LRRN2: variants seen among roughly 807,000 people sequenced by gnomAD.
LRRN2 encodes the protein leucine-rich repeat neuronal protein 2.
In LRRN2, 10 loss-of-function variants were observed where a neutral mutation model predicts 35.7. The ratio of observed to expected loss-of-function variants is 0.28; its 90% CI spans 0.17 to 0.47. The LOEUF (loss-of-function observed/expected upper bound fraction) is 0.47. LRRN2 is among the 20% of genes least tolerant of loss of function. LRRN2 has a pLI of 0.99. For synonymous variants in LRRN2, 391 were observed against 409.6 expected (o/e 0.95, Z 0.55); for missense variants, 731 against 940.3 (o/e 0.78, Z 2.91).
chr1:204,684,221 C>G (rs758033665), intron 1 of LRRN2, among the ~76,000 whole-genome samples: 5 of 152,138 alleles, frequency 3.3e-5, no homozygotes, highest in Non-Finnish European at 5.9e-5. Context: ...CCTCACCACC[C>G]TAGGTCCTGG....
chr1:204,663,190 C>T (rs1047227621), intron 1 of LRRN2, among the ~76,000 whole-genome samples: 2 of 152,132 alleles, frequency 1.3e-5, no homozygotes, highest in African/African-American at 4.8e-5. Context: ...GGGCAGTGGC[C>T]CCTGGGAGTC....
chr1:204,619,042 G>A lies in LRRN2; in HGVS notation c.951C>T (p.Ile317=), dbSNP rs1370879196. 1 of 1,607,630 alleles carries A rather than the reference G, an allele frequency of 6.2e-7. No homozygotes were observed. Among genetic ancestry groups the A allele is most frequent in the South Asian group, 1.1e-5 (1 of 90,300 alleles). The change falls in exon 2 of 2, where the codon ATC becomes ATT. Residue 317 remains isoleucine, a synonymous_variant. Transcript: ENST00000367177. ...TGAAGGACAGCCGTGGGTTATTGGT[G>A]ATGTCCAGCTTGGTCAGCTCGGGGA... The part of the protein sequence containing the change: ...VNLPELTKLD[I]TNNPRLSFIH...
In LRRN2 at chr1:204,631,048, A is replaced by G. The variant is rs75548194; in HGVS notation, c.-226-10830T>C. ...TCTACGCATCACCTGGAAACTTGCT[A>G]GAAGTGCGAGTTCCTTGGCCCACCC... On this transcript the variant is annotated intron_variant, in intron 1 of 1. Transcript: ENST00000367177. Among the ~76,000 whole-genome samples the G allele has an allele frequency of 3.4e-3, 511 of 151,414 alleles. 4 individuals are homozygous for G. The highest frequency in any genetic ancestry group is 0.011 in the African/African-American group (447 of 41,266).
intron 1 of LRRN2, among the ~76,000 whole-genome samples, chr1:204,650,774 G>A (rs768161049): frequency 3.9e-5 from 6 of 152,152 alleles, no homozygotes; most frequent in Non-Finnish European, 7.4e-5. Context: ...ACACGGCACT[G>A]AACAACTCAA....
chr1:204,677,918 C>T (rs993900287), intron 1 of LRRN2, among the ~76,000 whole-genome samples: 1 of 152,108 alleles, frequency 6.6e-6, no homozygotes, highest in Non-Finnish European at 1.5e-5. Context: ...TGCCCTTGCA[C>T]GTTGCCACGT....
chr1:204,622,114 T>C (rs1666934972), intron 1 of LRRN2: 1 of 167,202 alleles, frequency 6.0e-6, no homozygotes, highest in South Asian at 2.1e-4. Flanking sequence ...TTCACATCTG[T>C]GCTGCCAGGT....
chr1:204,620,099 C>T lies in LRRN2; in HGVS notation c.-107G>A. 1.4e-6 allele frequency: 2 copies of T among 1,480,630 alleles called. No homozygotes were observed. Among genetic ancestry groups the T allele is most frequent in the Non-Finnish European group, 1.8e-6 (2 of 1,114,000 alleles). The allele number at this position is 1,480,630 out of a possible 1,614,324, so 91.7% of individuals were successfully genotyped here. On this transcript the variant is annotated 5_prime_UTR_variant, in exon 2 of 2. Coordinates refer to ENST00000367177, the MANE Select transcript of LRRN2 (RefSeq NM_201630.2). ...ACCCTGCCAGGGCCCAAGGAACCAC[C>T]CTCCCAGGGCAGTCATTCTACACCG... is the stretch of plus-strand genomic sequence containing the variant.
rs1282076755 is a variant in LRRN2, at chr1:204,617,711, C to G, written c.*140G>C. On this transcript the variant is annotated 3_prime_UTR_variant, in exon 2 of 2. Transcript: ENST00000367177. ...GAAGCACCCCCAGGGCCACAAAGCC[C>G]CATCTGTCTTGGCCCAGCTGCCAGG... 9.4e-6 allele frequency: 9 copies of G among 953,316 alleles called. 1 individual carries two copies. In the East Asian group the frequency reaches 2.2e-4, roughly 23 times the overall value. 59.1% of individuals were successfully genotyped at this position (953,316 alleles called of 1,614,324 possible). A position where few individuals can be genotyped will look rare whatever the true frequency, so the allele number is the denominator to read the frequency against.
chr1:204,680,010 A>C (rs900714313), intron 1 of LRRN2, among the ~76,000 whole-genome samples: 1 of 152,182 alleles, frequency 6.6e-6, no homozygotes. Context: ...TGGATGTCCC[A>C]GAGCACCCTC....
chr1:204,652,969 G>A (rs866296378), intron 1 of LRRN2, among the ~76,000 whole-genome samples: 13 of 152,296 alleles, frequency 8.5e-5, no homozygotes, highest in Admixed American at 3.3e-4. Context: ...GGTCTGTCCC[G>A]GGTGCAGCCT....
At chr1:204,650,235 A>G (rs1199906059) in intron 1 of LRRN2, among the ~76,000 whole-genome samples, 1 of 152,200 alleles carries the variant, frequency 6.6e-6, no homozygotes, top group South Asian at 2.1e-4. Context: ...CATTAGTCCA[A>G]ATTAAAATCA....
chr1:204,651,212 G>A (rs1668216775), intron 1 of LRRN2, among the ~76,000 whole-genome samples: 1 of 152,160 alleles, frequency 6.6e-6, no homozygotes, highest in Admixed American at 6.5e-5. Context: ...CATGGAAACA[G>A]GGACCTCAGT....
At chr1:204,673,105 G>A (rs1668747949) in intron 1 of LRRN2, among the ~76,000 whole-genome samples, 1 of 152,166 alleles carries the variant, frequency 6.6e-6, no homozygotes, top group East Asian at 1.9e-4. Flanking sequence ...CTTAGAGAAT[G>A]CACCAGCAAC....
Position 204,618,714 on chromosome 1 carries a change from G to A in LRRN2, c.1279C>T (p.Arg427Ter). The change falls in exon 2 of 2, where the codon CGA (arginine) becomes TGA (stop). Residue 427 changes from arginine (R) to a stop codon, truncating the protein, a stop_gained. Transcript: ENST00000367177. LOFTEE classifies it high-confidence loss of function. The stretch of plus-strand genomic sequence containing the variant: ...ACCTGGAGGCTTGGGGGGAAGCTTC[G>A]TGGGGAGATGAGGGGCAAACAGTGG... The part of the protein sequence containing the change: ...TDHCLPLISP[R>*]SFPPSLQVAS... The A allele has an allele frequency of 1.2e-6, 2 of 1,602,144 alleles. No homozygotes were observed. Among genetic ancestry groups the A allele is most frequent in the South Asian group, 1.1e-5 (1 of 89,062 alleles).
At position 204,619,155 on chromosome 1, in the gene LRRN2, C is replaced by G. The variant is rs1448598077; in HGVS notation, c.838G>C (p.Asp280His). ...KNPLQRVGPG[D>H]FANMLHLKEL... ...TTAAGGTGCAGCATGTTGGCAAAGT[C>G]CCCCGGCCCTACCCGCTGGAGCGGG... Residue 280 changes from aspartate to histidine, a missense_variant, in exon 2 of 2, where the codon GAC becomes CAC. Asp to His is a moderately conservative substitution (Grantham distance 81). This residue lies in a region of LRRN2 where 256 missense variants were observed against 392.4 expected (regional missense o/e 0.65). Transcript: ENST00000367177. 4 of 1,613,908 alleles carry G rather than the reference C, an allele frequency of 2.5e-6. No individual in the cohort carries two copies. Among genetic ancestry groups the G allele is most frequent in the Non-Finnish European group, 3.4e-6 (4 of 1,179,990 alleles).
intron 1 of LRRN2, among the ~76,000 whole-genome samples, chr1:204,660,070 A>T (rs1184823970): frequency 6.6e-6 from 1 of 152,250 alleles, no homozygotes; most frequent in Non-Finnish European, 1.5e-5. Context: ...CTGTAAAGGC[A>T]TCTGTGAGCT....
chr1:204,642,248 G>C (rs1343544215), intron 1 of LRRN2, among the ~76,000 whole-genome samples: 2 of 152,154 alleles, frequency 1.3e-5, no homozygotes, highest in East Asian at 3.9e-4. Context: ...CATTTCTCTA[G>C]CACCTCTCTC....
intron 1 of LRRN2, among the ~76,000 whole-genome samples, chr1:204,669,614 A>C (rs1668664352): frequency 6.6e-6 from 1 of 152,240 alleles, no homozygotes; most frequent in South Asian, 2.1e-4. Flanking sequence ...TTTCTAAGGA[A>C]GGGCTACTTG....
At chr1:204,667,850 G>A (rs1199931397) in intron 1 of LRRN2, among the ~76,000 whole-genome samples, 2 of 152,150 alleles carry the variant, frequency 1.3e-5, no homozygotes, top group Non-Finnish European at 2.9e-5. Flanking sequence ...GCTTTAACTT[G>A]GGCATCTGGG....
Sources: allele counts gnomAD v4.1 joint callset (sites outside exome capture counted in the v4.1 genomes callset), GRCh38; gene constraint gnomAD v4.1.1; regional missense constraint gnomAD v4.1.1; transcripts MANE v1.5; gene names NCBI Gene and HGNC (gene_info 2026-07-23, HGNC 2026-07-21).